Variants in ATAD5 observed in about 807,000 individuals in gnomAD.
ATAD5 encodes ATPase family AAA domain containing 5.
Under a neutral mutation model 176.9 loss-of-function variants are expected in ATAD5, and 58 were observed. The observed-to-expected ratio is 0.33, with a 90% confidence interval of 0.27 to 0.41. ATAD5 has a LOEUF of 0.41. Among genes scored for constraint, ATAD5 ranks in the 10% least tolerant of loss-of-function variants. ATAD5 has a pLI of 1.00. For missense variants in ATAD5, 1,789 were observed against 2,094.1 expected (o/e 0.85, Z 2.84); for synonymous variants, 640 against 712.6 (o/e 0.90, Z 1.62).
At chr17:30,857,587 T>C (rs1050235455) in intron 8 of ATAD5, among the ~76,000 whole-genome samples, 27 of 152,182 alleles carry the variant, frequency 1.8e-4, no homozygotes, top group Admixed American at 1.1e-3. Flanking sequence ...AAAAACATTT[T>C]AAGAATTAAT....
chr17:30,887,173 TTCTC>T lies in ATAD5; in HGVS notation c.4078-13_4078-10del, dbSNP rs766763099. 4.1e-5 allele frequency: 63 copies of T among 1,555,418 alleles called. 1 individual carries two copies. Among genetic ancestry groups the T allele is most frequent in the South Asian group, 2.4e-5 (2 of 81,948 alleles). On this transcript the variant is annotated splice_polypyrimidine_tract_variant and intron_variant, in intron 18 of 22. Transcript: ENST00000321990. ...ATTTGAACTCAGCAGTTAACCACATTTCTCTCTCTGTTTTGAAGCTAAATGTTGC... is the reference window on the plus strand; with the variant it reads ...ATTTGAACTCAGCAGTTAACCACATTTCTCTGTTTTGAAGCTAAATGTTGC...
rs749876759 is a variant in ATAD5, at chr17:30,893,357, C to T, written c.4504C>T (p.Arg1502Trp). 47 of 1,594,372 alleles carry T rather than the reference C, an allele frequency of 2.9e-5. No homozygotes were observed. In the East Asian group the frequency reaches 5.6e-4, roughly 19 times the overall value. Residue 1502 changes from arginine to tryptophan, a missense_variant, in exon 21 of 23, where the codon CGG becomes TGG. By Grantham distance (101) the Arg-to-Trp change is moderately radical. Transcript: ENST00000321990. ...FIQLLTEFQM[R>W]NVDFLYSNLE... is the part of the protein sequence containing the mutation. ...CCAGCTTCTTACAGAATTCCAAATG[C>T]GGAATGTAGATTTTTTATATAGTAA...
At chr17:30,890,779 A>C (rs982572436) in intron 19 of ATAD5, among the ~76,000 whole-genome samples, 1 of 152,034 alleles carries the variant, frequency 6.6e-6, no homozygotes, top group Non-Finnish European at 1.5e-5. Context: ...CTGCCCTTAA[A>C]AAAAAAACAG....
At chr17:30,873,170 C>T (rs1256129289) in intron 14 of ATAD5, among the ~76,000 whole-genome samples, 1 of 152,102 alleles carries the variant, frequency 6.6e-6, no homozygotes, top group Non-Finnish European at 1.5e-5. Context: ...CTTTGACTAG[C>T]AAGGAACTAT....
chr17:30,865,724 C>G lies in ATAD5; in HGVS notation c.3157C>G (p.Leu1053Val). 1 of 1,572,088 alleles carries G rather than the reference C, an allele frequency of 6.4e-7. No homozygotes were observed. Among genetic ancestry groups the G allele is most frequent in the Non-Finnish European group, 8.6e-7 (1 of 1,164,562 alleles). Residue 1053 changes from leucine to valine, a missense_variant, in exon 11 of 23, where the codon CTT becomes GTT. By Grantham distance (32) the Leu-to-Val change is conservative. This residue lies in a region of ATAD5 where 487 missense variants were observed against 573.6 expected (regional missense o/e 0.85). Coordinates refer to ENST00000321990, the MANE Select transcript of ATAD5 (RefSeq NM_024857.5). ...TTTAGATTCTGGAACTGAAGACATG[C>G]TTTGGACAGAAAAGTATCAACCTCA... Reference protein sequence around the residue: ...SSKDSGTEDMLWTEKYQPQTA... With the variant: ...SSKDSGTEDMVWTEKYQPQTA...
At chr17:30,891,194 C>T (rs145860183) in intron 19 of ATAD5, among the ~76,000 whole-genome samples, 21 of 152,154 alleles carry the variant, frequency 1.4e-4, no homozygotes, top group African/African-American at 5.1e-4. Context: ...GATAATTGTA[C>T]CAACTTATGC....
At chr17:30,849,181 T>G (rs1906717731) in intron 6 of ATAD5, among the ~76,000 whole-genome samples, 1 of 152,318 alleles carries the variant, frequency 6.6e-6, no homozygotes, top group South Asian at 2.1e-4. Context: ...ATATTTTTGC[T>G]CAGTAGTATT....
In ATAD5 at chr17:30,835,200, A is replaced by T. The variant is rs755096479; in HGVS notation, c.1119A>T (p.Ile373=). ...AGAAAAGAAAATCTAATGTTGTTAT[A>T]CAGGAGGAAGAATTAGAATTGGCTG... The part of the protein sequence containing the change: ...TVQKRKSNVV[I]QEEELELAVL... Residue 373 remains isoleucine (I), a synonymous_variant, in exon 2 of 23, where the codon ATA becomes ATT. Coordinates refer to ENST00000321990, the MANE Select transcript of ATAD5 (RefSeq NM_024857.5). 6.2e-7 allele frequency: 1 copy of T among 1,614,016 alleles called. No homozygotes were observed. Among genetic ancestry groups the T allele is most frequent in the Admixed American group, 1.7e-5 (1 of 60,012 alleles).
intron 10 of ATAD5, chr17:30,864,816 A>C (rs1907873913): frequency 2.0e-5 from 3 of 152,152 alleles, no homozygotes. Flanking sequence ...TGCAAAGGAT[A>C]TGATTTTTTT....
chr17:30,886,435 C>T (rs1220034675), intron 18 of ATAD5, among the ~76,000 whole-genome samples: 4 of 150,566 alleles, frequency 2.7e-5, no homozygotes, highest in African/African-American at 9.8e-5. Context: ...AGTCTTGCTC[C>T]ATCGCCGAGG....
At chr17:30,868,655 T>C (rs1908145965) in intron 12 of ATAD5, among the ~76,000 whole-genome samples, 1 of 151,228 alleles carries the variant, frequency 6.6e-6, no homozygotes. Flanking sequence ...TACAGGCGCC[T>C]GCCGCCACGC....
At chr17:30,857,804 G>A (rs956855253) in intron 8 of ATAD5, among the ~76,000 whole-genome samples, 7 of 148,998 alleles carry the variant, frequency 4.7e-5, no homozygotes, top group Non-Finnish European at 8.9e-5. Flanking sequence ...ACAGTGGCAC[G>A]ATCTCGGCTC....
intron 14 of ATAD5, among the ~76,000 whole-genome samples, chr17:30,875,428 C>T (rs1908597628): frequency 1.3e-5 from 2 of 152,004 alleles, no homozygotes; most frequent in Admixed American, 1.3e-4. Flanking sequence ...GTTATTTTCC[C>T]TCCACCCTCT....
chr17:30,885,289 C>G (rs1909249541), intron 18 of ATAD5, among the ~76,000 whole-genome samples: 2 of 151,388 alleles, frequency 1.3e-5, no homozygotes, highest in African/African-American at 4.9e-5. Flanking sequence ...CAGGTGATCC[C>G]CCAACCTTGG....
At chr17:30,850,859 ATATATATATATTTTTTTTTTTT>A (rs1567683618) in intron 6 of ATAD5, among the ~76,000 whole-genome samples, 3 of 28,572 alleles carry the variant, frequency 1.0e-4, no homozygotes, top group Non-Finnish European at 1.4e-4. Flanking sequence ...ATATATATAT[ATATATATATATTTTTTTTTTTT>A]TTTTTTTTTT....
intron 3 of ATAD5, among the ~76,000 whole-genome samples, chr17:30,838,827 A>C (rs1905908763): frequency 6.6e-6 from 1 of 152,210 alleles, no homozygotes; most frequent in Non-Finnish European, 1.5e-5. Context: ...ACCTTTATCC[A>C]AACTTACTTA....
chr17:30,857,786 G>T (rs1215815770), intron 8 of ATAD5, among the ~76,000 whole-genome samples: 1 of 148,396 alleles, frequency 6.7e-6, no homozygotes, highest in Non-Finnish European at 1.5e-5. Flanking sequence ...TGTTGCCCAG[G>T]CTGGAGTACA....
Position 30,893,874 on chromosome 17 carries a change from G to A in ATAD5, c.5021G>A (p.Arg1674Lys). ...TDVREQNKYGRNDFSWTNGKV... is the reference protein window; with the variant it reads ...TDVREQNKYGKNDFSWTNGKV... Reference sequence around the variant, plus strand: ...GTAAGGGAACAAAACAAATACGGTAGAAATGACTTTAGTTGGACAAATGGA... The same window carrying A: ...GTAAGGGAACAAAACAAATACGGTAAAAATGACTTTAGTTGGACAAATGGA... The change falls in exon 21 of 23, where the codon AGA becomes AAA. Residue 1674 changes from arginine to lysine, a missense_variant. Around this residue, in one of 6 missense-constraint regions of ATAD5, gnomAD observed 403 missense variants for 495.1 expected, o/e 0.81. Coordinates refer to ENST00000321990, the MANE Select transcript of ATAD5 (RefSeq NM_024857.5). 2 of 1,613,962 alleles carry A rather than the reference G, an allele frequency of 1.2e-6. No individual in the cohort carries two copies. Among genetic ancestry groups the A allele is most frequent in the Non-Finnish European group, 1.7e-6 (2 of 1,179,898 alleles).
At chr17:30,893,221 A>G (rs1398599625) in intron 20 of ATAD5, 73 bp from the exon 21 acceptor site, 5 of 1,459,334 alleles carry the variant, frequency 3.4e-6, no homozygotes, top group Non-Finnish European at 4.6e-6. Flanking sequence ...GGATAACACT[A>G]TATTCATACA....
Sources: allele counts gnomAD v4.1 joint callset (sites outside exome capture counted in the v4.1 genomes callset), GRCh38; gene constraint gnomAD v4.1.1; regional missense constraint gnomAD v4.1.1; transcripts MANE v1.5; gene names NCBI Gene and HGNC (gene_info 2026-07-23, HGNC 2026-07-21).